Variants in PRKN observed in about 807,000 individuals in gnomAD.
PRKN encodes the protein E3 ubiquitin-protein ligase parkin.
Under a neutral mutation model 59.5 loss-of-function variants are expected in PRKN, and 56 were observed. That is an observed-to-expected ratio of 0.94 (90% CI 0.76 to 1.18). The LOEUF is 1.18. PRKN is among the 50% of genes most tolerant of loss of function. The pLI is 0.00. For synonymous variants in PRKN, 250 were observed against 222.1 expected, an observed-to-expected ratio of 1.13 and a Z score of -1.12; for missense variants, 657 against 596.4, an observed-to-expected ratio of 1.10 and a Z score of -1.06.
intron 6 of PRKN, among the ~76,000 whole-genome samples, chr6:161,885,499 C>T (rs1017384730): frequency 1.3e-5 from 2 of 151,962 alleles, no homozygotes; most frequent in Non-Finnish European, 2.9e-5. Flanking sequence ...CCCGTCTCTA[C>T]TAAAAATACA....
intron 1 of PRKN, among the ~76,000 whole-genome samples, chr6:162,544,176 T>C (rs1044478459): frequency 6.6e-6 from 1 of 152,106 alleles, no homozygotes; most frequent in Non-Finnish European, 1.5e-5. Flanking sequence ...TAGATGCATA[T>C]AAAACAGGCA....
intron 6 of PRKN, among the ~76,000 whole-genome samples, chr6:161,862,575 C>T (rs1562344902): frequency 6.7e-6 from 1 of 150,298 alleles, no homozygotes; most frequent in Non-Finnish European, 1.5e-5. Flanking sequence ...CCCATGAGCT[C>T]CCCTACTGTG....
chr6:161,855,064 C>T (rs980374231), intron 6 of PRKN, among the ~76,000 whole-genome samples: 1 of 119,012 alleles, frequency 8.4e-6, no homozygotes, highest in Non-Finnish European at 1.6e-5. Flanking sequence ...GCTTGGGCAA[C>T]AGAGTGAGAC....
At chr6:161,834,726 G>A (rs912761741) in intron 6 of PRKN, among the ~76,000 whole-genome samples, 1 of 152,216 alleles carries the variant, frequency 6.6e-6, no homozygotes, top group Non-Finnish European at 1.5e-5. Context: ...AACAGTTTGA[G>A]GGTTTCAGAG....
At chr6:162,704,752 GA>G (rs1250981855) in intron 1 of PRKN, among the ~76,000 whole-genome samples, 1 of 152,190 alleles carries the variant, frequency 6.6e-6, no homozygotes, top group Non-Finnish European at 1.5e-5. Flanking sequence ...AATACTGAAT[GA>G]GTTATTGTAG....
At chr6:162,661,045 T>C (rs542213749) in intron 1 of PRKN, among the ~76,000 whole-genome samples, 1 of 152,246 alleles carries the variant, frequency 6.6e-6, no homozygotes, top group East Asian at 1.9e-4. Context: ...GCGGATCACC[T>C]GAGGTCAGGA....
intron 6 of PRKN, among the ~76,000 whole-genome samples, chr6:161,840,518 G>C (rs1308265630): frequency 2.0e-5 from 3 of 152,092 alleles, no homozygotes; most frequent in African/African-American, 7.2e-5. Flanking sequence ...GTGGTCATGG[G>C]GGTTTGTTGT....
At chr6:161,911,578 A>C (rs1012035407) in intron 6 of PRKN, among the ~76,000 whole-genome samples, 2 of 152,118 alleles carry the variant, frequency 1.3e-5, no homozygotes, top group African/African-American at 4.8e-5. Context: ...CATGTACCTA[A>C]AAACATTGCA....
rs78692691 is a variant in PRKN, at chr6:161,550,934, C to T, written c.934-1931G>A. On this transcript the variant is annotated intron_variant, in intron 8 of 11. Coordinates refer to ENST00000366898, the MANE Select transcript of PRKN (RefSeq NM_004562.3). This position sits in a 1 kb window ranked among gnomAD's most constrained non-coding sequence, Gnocchi z 4.0. ...GAAGTCATTAGCCTGAGCCTCTAAT[C>T]CATTTTCTCATTCTTCTGTCCCCAG... 9.2e-3 allele frequency among the ~76,000 whole-genome samples: 1,400 copies of T among 152,166 alleles called. 7 individuals are homozygous for T. Among genetic ancestry groups the T allele is most frequent in the Non-Finnish European group, 0.015 (1,015 of 68,000 alleles).
intron 6 of PRKN, among the ~76,000 whole-genome samples, chr6:161,868,408 G>A (rs966353228): frequency 2.3e-4 from 35 of 151,610 alleles, no homozygotes; most frequent in Non-Finnish European, 2.8e-4. Flanking sequence ...GCAAAACCCC[G>A]TCTCTACTAA....
In PRKN at chr6:161,401,977, G is replaced by A. The variant is rs913693851; in HGVS notation, c.1084-15100C>T. Among the ~76,000 whole-genome samples, 1 of 152,306 alleles carries A rather than the reference G, an allele frequency of 6.6e-6. No homozygotes were observed. The highest frequency in any genetic ancestry group is 3.4e-3 in the Middle Eastern group (1 of 294). On this transcript the variant is annotated intron_variant, in intron 9 of 11. Coordinates refer to ENST00000366898, the MANE Select transcript of PRKN (RefSeq NM_004562.3). This position sits in a 1 kb window ranked among gnomAD's most constrained non-coding sequence, Gnocchi z 4.4. ...TAAGGCCTCTTAAAGAAGGTTCCCA[G>A]CTTGGGGCTGGGTAATAATGGTGAG...
intron 1 of PRKN, among the ~76,000 whole-genome samples, chr6:162,507,018 G>A (rs1376749211): frequency 6.6e-6 from 1 of 152,122 alleles, no homozygotes; most frequent in Non-Finnish European, 1.5e-5. Flanking sequence ...ACAGGAGAGG[G>A]TAAAAAAGAC....
chr6:162,306,762 A>G (rs1782246841), intron 2 of PRKN, among the ~76,000 whole-genome samples: 1 of 152,154 alleles, frequency 6.6e-6, no homozygotes, highest in African/African-American at 2.4e-5. Flanking sequence ...AACTGAAATG[A>G]CATGGTTAGG....
chr6:161,947,980 T>C (rs1347962847), intron 6 of PRKN, among the ~76,000 whole-genome samples: 3 of 151,938 alleles, frequency 2.0e-5, no homozygotes, highest in Non-Finnish European at 1.5e-5. Flanking sequence ...ATTTCTTTCT[T>C]TTCTTCTTCT....
intron 4 of PRKN, among the ~76,000 whole-genome samples, chr6:162,090,353 A>T (rs1179098148): frequency 6.6e-6 from 1 of 152,188 alleles, no homozygotes; most frequent in Non-Finnish European, 1.5e-5. Context: ...TTCTGTTTAC[A>T]TTTTATTTTA....
chr6:161,369,813 T>G lies in PRKN; in HGVS notation c.1168-9608A>C, dbSNP rs1016535352. ...GTTTCATATATATATTTCATATGATTATAGGAAATATATTTCATATACATA... is the reference window on the plus strand; with the variant it reads ...GTTTCATATATATATTTCATATGATGATAGGAAATATATTTCATATACATA... On this transcript the variant is annotated intron_variant, in intron 10 of 11. Transcript: ENST00000366898. The surrounding 1 kb of genome is among the most constrained non-coding windows in gnomAD (Gnocchi z 5.8). 6.6e-6 allele frequency among the ~76,000 whole-genome samples: 1 copy of G among 152,010 alleles called. No individual in the cohort carries two copies. The highest frequency in any genetic ancestry group is 2.4e-5 in the African/African-American group (1 of 41,378).
chr6:162,327,864 G>A (rs1265268887), intron 2 of PRKN, among the ~76,000 whole-genome samples: 4 of 152,124 alleles, frequency 2.6e-5, no homozygotes, highest in Admixed American at 1.3e-4. Context: ...AAGGGAACAC[G>A]AAGAAGCATA....
At chr6:162,407,221 C>T (rs1402003066) in intron 2 of PRKN, among the ~76,000 whole-genome samples, 2 of 152,116 alleles carry the variant, frequency 1.3e-5, no homozygotes, top group African/African-American at 4.8e-5. Context: ...TGAAGTAGAG[C>T]TGTTAAGAGG....
intron 2 of PRKN, among the ~76,000 whole-genome samples, chr6:162,420,449 C>T (rs1788902462): frequency 6.6e-6 from 1 of 152,124 alleles, no homozygotes; most frequent in African/African-American, 2.4e-5. Flanking sequence ...TCTGAGCATG[C>T]ATAACAGTGC....
Sources: allele counts gnomAD v4.1 joint callset (sites outside exome capture counted in the v4.1 genomes callset), GRCh38; gene constraint gnomAD v4.1.1; non-coding constraint Gnocchi (gnomAD v3.1); transcripts MANE v1.5; gene names NCBI Gene and HGNC (gene_info 2026-07-23, HGNC 2026-07-21).